The following ANKRD28 variants were observed in gnomAD, a reference collection of about 807,000 sequenced individuals.
The protein encoded by ANKRD28 is ankyrin repeat domain 28.
ANKRD28 carries 44 observed loss-of-function variants against 126.5 expected under a neutral mutation model. That is an observed-to-expected ratio of 0.35 (90% confidence interval 0.27 to 0.45). The LOEUF is 0.45. Among genes scored for constraint, ANKRD28 ranks in the 20% least tolerant of loss-of-function variants. The pLI, the probability that ANKRD28 is intolerant of heterozygous loss-of-function variation, is 1.00. For synonymous variants in ANKRD28, 442 were observed against 468.5 expected (o/e 0.94, Z 0.73); for missense variants, 1,110 against 1,316.6 (o/e 0.84, Z 2.43).
chr3:15,840,909 G>A (rs1366828603), intron 1 of ANKRD28, among the ~76,000 whole-genome samples: 1 of 152,232 alleles, frequency 6.6e-6, no homozygotes, highest in Non-Finnish European at 1.5e-5. Context: ...GGGAGGCCGA[G>A]GTGGGCGGAT....
chr3:15,689,766 T>C lies in ANKRD28; in HGVS notation c.1963+253A>G, dbSNP rs1559341185. On this transcript the variant is annotated intron_variant, in intron 18 of 27. Coordinates refer to ENST00000683139, the MANE Select transcript of ANKRD28 (RefSeq NM_001349278.2). ...TGAATATTTTTTGTGCTTGGTTTAC[T>C]TGGGTTGATATAATACACTGTATTT... The C allele has an allele frequency of 8.9e-6, 3 of 338,674 alleles. No individual in the cohort carries two copies. In the South Asian group the frequency reaches 2.6e-4, roughly 29 times the overall value. The allele number at this position is 338,674 out of a possible 1,614,324, so 21.0% of individuals were successfully genotyped here.
chr3:15,797,837 T>A lies in ANKRD28; in HGVS notation c.-1316A>T, dbSNP rs928925232. On this transcript the variant is annotated 5_prime_UTR_variant, in exon 1 of 28. Coordinates refer to ENST00000683139, the MANE Select transcript of ANKRD28 (RefSeq NM_001349278.2). Reference sequence around the variant, plus strand: ...AACACCACTGACATCCCCAAATGAGTAGGTCCTTAAAAAATATCTATAGAA... The same window carrying A: ...AACACCACTGACATCCCCAAATGAGAAGGTCCTTAAAAAATATCTATAGAA... 8 of 985,356 alleles carry A rather than the reference T, an allele frequency of 8.1e-6. No homozygotes were observed. In the African/African-American group the frequency reaches 1.0e-4, roughly 13 times the overall value. 61.0% of individuals were successfully genotyped at this position (985,356 alleles called of 1,614,324 possible).
At chr3:15,700,401 C>T (rs1183739631) in intron 14 of ANKRD28, among the ~76,000 whole-genome samples, 2 of 151,776 alleles carry the variant, frequency 1.3e-5, no homozygotes, top group African/African-American at 4.8e-5. Flanking sequence ...ACATGTATAC[C>T]TATCTAACAA....
At chr3:15,809,759 C>T (rs771841770) in intron 1 of ANKRD28, among the ~76,000 whole-genome samples, 2 of 152,154 alleles carry the variant, frequency 1.3e-5, no homozygotes, top group African/African-American at 2.4e-5. Flanking sequence ...TTATCTACAC[C>T]ACCAGTTACT....
intron 8 of ANKRD28, among the ~76,000 whole-genome samples, chr3:15,718,705 G>A (rs1028417732): frequency 6.6e-6 from 1 of 152,134 alleles, no homozygotes; most frequent in East Asian, 1.9e-4. Flanking sequence ...AGTAGCTGAC[G>A]ACACAGGTAA....
At chr3:15,788,810 G>C (rs1279661121) in intron 2 of ANKRD28, among the ~76,000 whole-genome samples, 3 of 151,980 alleles carry the variant, frequency 2.0e-5, no homozygotes, top group Admixed American at 1.3e-4. Flanking sequence ...AAAAGCAGGA[G>C]GTCACTGAAA....
At chr3:15,770,349 CATAA>C (rs1312994801) in intron 2 of ANKRD28, among the ~76,000 whole-genome samples, 2 of 151,138 alleles carry the variant, frequency 1.3e-5, no homozygotes, top group Non-Finnish European at 2.9e-5. Context: ...AAAGAAAAAT[CATAA>C]ATAGTCCACA....
intron 2 of ANKRD28, among the ~76,000 whole-genome samples, chr3:15,776,393 T>C (rs2059270116): frequency 6.6e-6 from 1 of 152,190 alleles, no homozygotes; most frequent in Non-Finnish European, 1.5e-5. Flanking sequence ...AATAGCAGAA[T>C]GGATAAACTG....
chr3:15,786,412 T>C (rs2059780924), intron 2 of ANKRD28, among the ~76,000 whole-genome samples: 1 of 152,128 alleles, frequency 6.6e-6, no homozygotes, highest in South Asian at 2.1e-4. Flanking sequence ...ATTCCATTTA[T>C]ATAACACTCT....
intron 8 of ANKRD28, 70 bp downstream of exon 8, chr3:15,720,845 G>A (rs2073650678): frequency 1.6e-5 from 21 of 1,352,918 alleles, no homozygotes; most frequent in Non-Finnish European, 2.2e-5. Context: ...ATTGCTCAAT[G>A]GTATTCACCA....
Position 15,670,305 on chromosome 3 carries a change from C to T in ANKRD28, c.3217G>A (p.Asp1073Asn). 6.2e-7 allele frequency: 1 copy of T among 1,612,378 alleles called. No homozygotes were observed. The highest frequency in any genetic ancestry group is 8.5e-7 in the Non-Finnish European group (1 of 1,179,174). The change falls in exon 28 of 28, where the codon GAT (aspartate) becomes AAT (asparagine). Residue 1073 changes from aspartate (D) to asparagine (N), a missense_variant. Coordinates refer to ENST00000683139, the MANE Select transcript of ANKRD28 (RefSeq NM_001349278.2). Reference sequence around the variant, plus strand: ...TCAGAATCGGAGTCGTTGAGCTCATCCACGTCAGTGTATAAGTACTCCTGT... The same window carrying T: ...TCAGAATCGGAGTCGTTGAGCTCATTCACGTCAGTGTATAAGTACTCCTGT... ...GEQEYLYTDV[D>N]ELNDSDSETY
At position 15,735,436 on chromosome 3, in the gene ANKRD28, C is replaced by A. The variant is rs549716382; in HGVS notation, c.614G>T (p.Arg205Leu). ...CATATATGCTGCCCAATGGATAGCACGCCTATCTTTCTTGTCAAAAGCATT... is the reference window on the plus strand; with the variant it reads ...CATATATGCTGCCCAATGGATAGCAAGCCTATCTTTCTTGTCAAAAGCATT... ...NINAFDKKDRRAIHWAAYMGH... is the reference protein window; with the variant it reads ...NINAFDKKDRLAIHWAAYMGH... The change falls in exon 6 of 28, where the codon CGT (arginine) becomes CTT (leucine). Residue 205 changes from arginine to leucine, a missense_variant. Coordinates refer to ENST00000683139, the MANE Select transcript of ANKRD28 (RefSeq NM_001349278.2). The A allele has an allele frequency of 6.4e-7, 1 of 1,559,654 alleles. No individual in the cohort carries two copies. The highest frequency in any genetic ancestry group is 8.7e-7 in the Non-Finnish European group (1 of 1,150,702).
At chr3:15,798,193 G>C (rs1418473546), upstream of ANKRD28, 1 of 984,872 alleles carries the variant, frequency 1.0e-6, no homozygotes, top group Non-Finnish European at 1.2e-6. Context: ...AGTGGTTTTA[G>C]CAAGTAAACA....
chr3:15,798,255 C>CG, upstream of ANKRD28: 1 of 767,492 alleles, frequency 1.3e-6, no homozygotes. Context: ...AAATGTTTAA[C>CG]CCTATAATGA....
chr3:15,748,042 G>A (rs2057600047), intron 4 of ANKRD28, among the ~76,000 whole-genome samples: 1 of 152,104 alleles, frequency 6.6e-6, no homozygotes. Context: ...CATTTGCATG[G>A]AGTATCTTTT....
At chr3:15,675,380 G>A (rs1226300813) in intron 27 of ANKRD28, among the ~76,000 whole-genome samples, 2 of 152,198 alleles carry the variant, frequency 1.3e-5, no homozygotes, top group East Asian at 3.8e-4. Flanking sequence ...TATGGCAGTA[G>A]CTGGCAGGAG....
chr3:15,859,449 T>TGCCGCTGCCGCCGCC, exon 1 of ANKRD28: 1 of 1,465,900 alleles, frequency 6.8e-7, no homozygotes, highest in South Asian at 1.2e-5. Flanking sequence ...CCTCCGCCGC[T>TGCCGCTGCCGCCGCC]GCCGCTGCCG....
intron 2 of ANKRD28, among the ~76,000 whole-genome samples, chr3:15,778,864 G>A (rs1164275972): frequency 1.3e-5 from 2 of 152,114 alleles, no homozygotes; most frequent in Non-Finnish European, 2.9e-5. Context: ...ATGAATCATG[G>A]GGGGCAGTTC....
At chr3:15,850,204 A>AAAATATATATATATATAT (rs1486394619) in intron 1 of ANKRD28, among the ~76,000 whole-genome samples, 4 of 54,830 alleles carry the variant, frequency 7.3e-5, no homozygotes, top group African/African-American at 2.4e-4. Flanking sequence ...AAAAAAAAAA[A>AAAATATATATATATATAT]ATATATATAT....
Sources: allele counts gnomAD v4.1 joint callset (sites outside exome capture counted in the v4.1 genomes callset), GRCh38; gene constraint gnomAD v4.1.1; transcripts MANE v1.5; gene names NCBI Gene and HGNC (gene_info 2026-07-23, HGNC 2026-07-21).